The following HECW2 variants were observed in gnomAD, a reference collection of about 807,000 sequenced individuals.
HECW2 encodes the protein HECT, C2 and WW domain containing E3 ubiquitin protein ligase 2.
Under a neutral mutation model 175.2 loss-of-function variants are expected in HECW2, and 61 were observed. The ratio of observed to expected loss-of-function variants is 0.35; its 90% CI spans 0.28 to 0.43. The LOEUF (loss-of-function observed/expected upper bound fraction) is 0.43. HECW2 is among the 20% of genes least tolerant of loss of function. HECW2 has a pLI of 1.00. For synonymous variants in HECW2, 671 were observed against 731.0 expected (o/e 0.92, Z 1.32); for missense variants, 1,524 against 2,000.5 (o/e 0.76, Z 4.54).
chr2:196,495,331 GCTGGGATTACAGGCGTGAGCCACCACGCC>G (rs1208712391), intron 1 of HECW2, among the ~76,000 whole-genome samples: 8 of 151,984 alleles, frequency 5.3e-5, no homozygotes, highest in Admixed American at 4.6e-4. Context: ...CTCCCAAAGT[GCTGGGATTACAGGCGTGAGCCACCACGCC>G]CTGTCATCAC....
chr2:196,323,903 TTTTTG>T (rs1448835788), intron 6 of HECW2, among the ~76,000 whole-genome samples: 3 of 106,782 alleles, frequency 2.8e-5, no homozygotes, highest in African/African-American at 1.4e-4. Context: ...TTAAGAGTTT[TTTTTG>T]TTTTTTGTTT....
At chr2:196,281,737 C>T (rs535217603) in intron 14 of HECW2, among the ~76,000 whole-genome samples, 1 of 142,704 alleles carries the variant, frequency 7.0e-6, no homozygotes, top group East Asian at 2.1e-4. Context: ...GACCCTAAAA[C>T]CACAAACAGA....
At chr2:196,466,443 A>T (rs1696957808) in intron 1 of HECW2, among the ~76,000 whole-genome samples, 1 of 152,248 alleles carries the variant, frequency 6.6e-6, no homozygotes, top group Non-Finnish European at 1.5e-5. Flanking sequence ...GTTACCTTTT[A>T]CATTAAGAAA....
At chr2:196,392,489 G>T (rs11884461) in intron 2 of HECW2, among the ~76,000 whole-genome samples, 117,737 of 144,394 alleles carry the variant, frequency 0.82, 46,240 homozygotes, top group East Asian at 0.88. Context: ...AAAAATTTTT[G>T]TTAATTAATT....
intron 1 of HECW2, among the ~76,000 whole-genome samples, chr2:196,475,935 C>T (rs1686590742): frequency 6.6e-6 from 1 of 152,240 alleles, no homozygotes; most frequent in East Asian, 1.9e-4. Flanking sequence ...TCTGCCTTGT[C>T]TTCAAATCCT....
chr2:196,399,436 C>A (rs1291146042), intron 2 of HECW2, among the ~76,000 whole-genome samples: 2 of 152,306 alleles, frequency 1.3e-5, no homozygotes, highest in East Asian at 3.9e-4. Flanking sequence ...GCAGGAATAC[C>A]CTTGTGGAAC....
At chr2:196,301,341 T>C (rs954475997) in intron 13 of HECW2, among the ~76,000 whole-genome samples, 20 of 152,338 alleles carry the variant, frequency 1.3e-4, no homozygotes, top group South Asian at 4.1e-4. Flanking sequence ...TGAACATACA[T>C]GTTCACGTAT....
intron 2 of HECW2, among the ~76,000 whole-genome samples, chr2:196,357,056 A>T (rs1464297753): frequency 6.6e-6 from 1 of 152,222 alleles, no homozygotes; most frequent in East Asian, 1.9e-4. Context: ...GATTTAAAGC[A>T]GGGAAGTGAC....
chr2:196,556,222 A>G (rs921913755), intron 1 of HECW2, among the ~76,000 whole-genome samples: 2 of 152,206 alleles, frequency 1.3e-5, no homozygotes, highest in African/African-American at 2.4e-5. Flanking sequence ...GTTTTGATAT[A>G]TGTATGCATT....
At chr2:196,470,306 G>A (rs944632309) in intron 1 of HECW2, among the ~76,000 whole-genome samples, 6 of 151,094 alleles carry the variant, frequency 4.0e-5, no homozygotes, top group Non-Finnish European at 7.4e-5. Context: ...AAAAAAAAAA[G>A]GATACAATTT....
chr2:196,445,242 CAGTG>C (rs763215412), intron 1 of HECW2, among the ~76,000 whole-genome samples: 1 of 152,102 alleles, frequency 6.6e-6, no homozygotes, highest in Non-Finnish European at 1.5e-5. Context: ...CAAATGCTAC[CAGTG>C]AGAAAATAAC....
chr2:196,427,954 A>C (rs1319883965), intron 2 of HECW2, among the ~76,000 whole-genome samples: 2 of 152,218 alleles, frequency 1.3e-5, no homozygotes, highest in African/African-American at 4.8e-5. Context: ...AGAAGGATTT[A>C]CTTTTCTGAT....
At chr2:196,472,307 A>C (rs1697235472) in intron 1 of HECW2, among the ~76,000 whole-genome samples, 1 of 151,804 alleles carries the variant, frequency 6.6e-6, no homozygotes, top group African/African-American at 2.4e-5. Flanking sequence ...AACATGGAGA[A>C]ACCCTGTCTC....
chr2:196,377,038 T>G (rs116391826), intron 2 of HECW2, among the ~76,000 whole-genome samples: 1 of 152,340 alleles, frequency 6.6e-6, no homozygotes, highest in African/African-American at 2.4e-5. Flanking sequence ...AAATTATTGT[T>G]TGATCATACT....
chr2:196,288,333 C>T (rs1279896773), intron 14 of HECW2: 3 of 152,226 alleles, frequency 2.0e-5, no homozygotes, highest in African/African-American at 7.2e-5. Flanking sequence ...ACTCAGACAC[C>T]ACAGTATCAG....
At position 196,240,873 on chromosome 2, in the gene HECW2, C is replaced by T. The variant is rs570144266; in HGVS notation, c.3651-311G>A. ...TGATCATAAAACAACACCACACACA[C>T]CACACACACCGCCCCCCGCCCATAC... is the stretch of plus-strand genomic sequence containing the variant. On this transcript the variant is annotated intron_variant, in intron 20 of 28. Coordinates refer to ENST00000644978, the MANE Select transcript of HECW2 (RefSeq NM_001348768.2). Among the ~76,000 whole-genome samples, 4 of 152,106 alleles carry T rather than the reference C, an allele frequency of 2.6e-5. No individual in the cohort carries two copies. The East Asian group carries it at 7.7e-4, about 29-fold the overall frequency.
chr2:196,224,324 G>A (rs908842962), intron 23 of HECW2, among the ~76,000 whole-genome samples: 7 of 152,102 alleles, frequency 4.6e-5, no homozygotes, highest in African/African-American at 1.7e-4. Context: ...GATATTTGGT[G>A]GACTGTTGAC....
intron 1 of HECW2, among the ~76,000 whole-genome samples, chr2:196,531,588 G>A (rs1688841689): frequency 6.6e-6 from 1 of 151,660 alleles, no homozygotes; most frequent in South Asian, 2.1e-4. Context: ...CTTGAACCCG[G>A]TAAGCGGAGG....
chr2:196,271,128 A>G (rs779039865), intron 17 of HECW2, 65 bp downstream of exon 17: 8 of 909,030 alleles, frequency 8.8e-6, no homozygotes, highest in Non-Finnish European at 1.1e-5. Flanking sequence ...GACAACTATC[A>G]GTAAAACTAA....
Sources: allele counts gnomAD v4.1 joint callset (sites outside exome capture counted in the v4.1 genomes callset), GRCh38; gene constraint gnomAD v4.1.1; transcripts MANE v1.5; gene names NCBI Gene and HGNC (gene_info 2026-07-23, HGNC 2026-07-21).